Variants in DCX observed in about 807,000 individuals in gnomAD.
The protein encoded by DCX is doublecortin, also known as neuronal migration protein doublecortin.
In DCX, 4 loss-of-function variants were observed where a neutral mutation model predicts 20.9. The observed-to-expected ratio is 0.19, with a 90% CI of 0.09 to 0.44. The LOEUF is 0.44. Among genes scored for constraint, DCX ranks in the 20% least tolerant of loss-of-function variants. The pLI is 0.99. For missense variants in DCX, 133 were observed against 296.9 expected, an observed-to-expected ratio of 0.45 and a Z score of 4.06; for synonymous variants, 103 against 111.4, an observed-to-expected ratio of 0.92 and a Z score of 0.47.
intron 3 of DCX, among the ~76,000 whole-genome samples, chrX:111,400,246 T>C (rs900041778): frequency 9.0e-6 from 1 of 111,665 alleles, no homozygotes; most frequent in Non-Finnish European, 1.9e-5. Flanking sequence ...GAATGGTGCA[T>C]CTGTCTGATG....
intron 3 of DCX, among the ~76,000 whole-genome samples, chrX:111,336,773 TTTGTC>T (rs1010392955): frequency 1.8e-5 from 2 of 112,124 alleles, no homozygotes; most frequent in African/African-American, 3.2e-5. Flanking sequence ...AAAATCTATA[TTTGTC>T]CTAATCAATG....
intron 1 of DCX, chrX:111,411,285 C>T (rs1235043454): frequency 3.7e-6 from 1 of 269,950 alleles, no homozygotes; most frequent in Non-Finnish European, 6.5e-6. Context: ...AGCAACACCT[C>T]TTAATGGAAT....
rs183055031 is a variant in DCX, at chrX:111,404,164, C to T, written c.365-2834G>A. ...TGTTATTATTAAGCCCCTAATCTTA[C>T]GGAATAGAAGCGAGAACAAGAAGGA... On this transcript the variant is annotated intron_variant, in intron 2 of 6. Coordinates refer to ENST00000636035, the MANE Select transcript of DCX (RefSeq NM_001195553.2). 1.3e-3 allele frequency among the ~76,000 whole-genome samples: 144 copies of T among 109,837 alleles called. 1 individual carries two copies. Among genetic ancestry groups the T allele is most frequent in the African/African-American group, 4.5e-3 (135 of 30,216 alleles).
chrX:111,408,632 G>GAGAAGGAA (rs1305804444), intron 2 of DCX, among the ~76,000 whole-genome samples: 14 of 77,999 alleles, frequency 1.8e-4, no homozygotes, highest in African/African-American at 5.8e-4. Flanking sequence ...AGAAAGAAAA[G>GAGAAGGAA]AGAAAGAAAG....
At chrX:111,379,000 C>A (rs766578495) in intron 3 of DCX, among the ~76,000 whole-genome samples, 1 of 111,536 alleles carries the variant, frequency 9.0e-6, no homozygotes, top group Non-Finnish European at 1.9e-5. Flanking sequence ...ACCAGATAAG[C>A]AAACCTGCCA....
chrX:111,381,974 T>C lies in DCX; in HGVS notation c.705+19016A>G, dbSNP rs780399759. ...CCACTGCACCATCCCTGTACCTTAT[T>C]TTGAATATTATTTATAGCAGTCGTT... On this transcript the variant is annotated intron_variant, in intron 3 of 6. Coordinates refer to ENST00000636035, the MANE Select transcript of DCX (RefSeq NM_001195553.2). Among the ~76,000 whole-genome samples, 42 of 112,051 alleles carry C rather than the reference T, an allele frequency of 3.7e-4. No homozygotes were observed. In the Admixed American group the frequency reaches 4.0e-3, roughly 11 times the overall value.
At chrX:111,342,350 T>TATAA (rs1922340020) in intron 3 of DCX, among the ~76,000 whole-genome samples, 1 of 50,391 alleles carries the variant, frequency 2.0e-5, no homozygotes, top group Non-Finnish European at 3.3e-5. Flanking sequence ...TATATATATA[T>TATAA]ATATATATAT....
Position 111,328,248 on chromosome X carries a change from G to T in DCX, c.946+2656C>A, listed in dbSNP as rs185186194. Among the ~76,000 whole-genome samples, 216 of 111,230 alleles carry T rather than the reference G, an allele frequency of 1.9e-3. 1 individual carries two copies. The highest frequency in any genetic ancestry group is 6.7e-3 in the African/African-American group (206 of 30,677). On this transcript the variant is annotated intron_variant, in intron 5 of 6. Transcript: ENST00000636035. ...AAGGAGTTATGAAAAAGCAAGAGCA[G>T]ATCTTGCCTGCCAAAGCCTGGGTTG...
At chrX:111,363,716 T>C (rs1291020486) in intron 3 of DCX, among the ~76,000 whole-genome samples, 3 of 111,514 alleles carry the variant, frequency 2.7e-5, no homozygotes, top group Non-Finnish European at 5.6e-5. Context: ...TATTATACAT[T>C]TTCCTTGTCA....
intron 5 of DCX, among the ~76,000 whole-genome samples, chrX:111,314,745 T>C (rs951280678): frequency 9.0e-6 from 1 of 111,709 alleles, no homozygotes; most frequent in Non-Finnish European, 1.9e-5. Context: ...GAATCAGAGA[T>C]AGAATCATTC....
At chrX:111,312,314 G>T (rs987597521) in intron 6 of DCX, among the ~76,000 whole-genome samples, 2 of 111,962 alleles carry the variant, frequency 1.8e-5, no homozygotes, top group Non-Finnish European at 3.8e-5. Flanking sequence ...CACCCCCTTT[G>T]CTATGTCTCT....
chrX:111,383,210 A>G (rs1376017390), intron 3 of DCX, among the ~76,000 whole-genome samples: 1 of 111,425 alleles, frequency 9.0e-6, no homozygotes, highest in African/African-American at 3.3e-5. Context: ...TTATGCCCCA[A>G]ACAGATGATG....
At chrX:111,391,022 T>G (rs1334199545) in intron 3 of DCX, among the ~76,000 whole-genome samples, 2 of 93,731 alleles carry the variant, frequency 2.1e-5, no homozygotes, top group African/African-American at 7.6e-5. Flanking sequence ...AAAAAAAAAA[T>G]CCTTCACTGG....
At chrX:111,365,497 T>C (rs1487657297) in intron 3 of DCX, among the ~76,000 whole-genome samples, 1 of 110,270 alleles carries the variant, frequency 9.1e-6, no homozygotes, top group Non-Finnish European at 1.9e-5. Flanking sequence ...AAGAATCCAA[T>C]TGCACTCTTT....
chrX:111,373,708 T>G (rs1031526401), intron 3 of DCX, among the ~76,000 whole-genome samples: 1 of 111,324 alleles, frequency 9.0e-6, no homozygotes, highest in African/African-American at 3.3e-5. Context: ...AAATATTTGT[T>G]GTCAATAATA....
rs1266498789 is a variant in DCX, at chrX:111,300,618, T to G, written c.*1069A>C. On this transcript the variant is annotated 3_prime_UTR_variant, in exon 7 of 7. Transcript: ENST00000636035. ...TTCTAAACTACATTATTCTTCTGCTTTTTTTTTTTTTTTTGGTAAATTTTC... is the reference window on the plus strand; with the variant it reads ...TTCTAAACTACATTATTCTTCTGCTGTTTTTTTTTTTTTTGGTAAATTTTC... The G allele has an allele frequency of 1.0e-5, 1 of 98,915 alleles. No homozygotes were observed. Among genetic ancestry groups the G allele is most frequent in the East Asian group, 2.9e-4 (1 of 3,432 alleles). 8.2% of individuals were successfully genotyped at this position (98,915 alleles called of 1,213,427 possible).
At position 111,298,892 on chromosome X, in the gene DCX, C is replaced by CCTATTT. The variant is rs1410140998; in HGVS notation, c.*2789_*2794dup. On this transcript the variant is annotated 3_prime_UTR_variant, in exon 7 of 7. Transcript: ENST00000636035. ...TATATACATTTTCCCCTTCTTTGTC[C>CCTATTT]CTATTTCTATTTCTGTAGGGAAGAA... is the stretch of plus-strand genomic sequence containing the variant. The CCTATTT allele has an allele frequency of 9.0e-6, 1 of 110,731 alleles. No homozygotes were observed. Among genetic ancestry groups the CCTATTT allele is most frequent in the African/African-American group, 3.3e-5 (1 of 30,144 alleles). 9.1% of individuals were successfully genotyped at this position (110,731 alleles called of 1,213,427 possible).
intron 3 of DCX, among the ~76,000 whole-genome samples, chrX:111,397,010 T>C (rs1165887589): frequency 9.0e-6 from 1 of 111,154 alleles, no homozygotes; most frequent in Non-Finnish European, 1.9e-5. Context: ...ACATAAGCCC[T>C]AGAAAGATCA....
At chrX:111,342,146 C>T (rs1442145590) in intron 3 of DCX, among the ~76,000 whole-genome samples, 2 of 90,526 alleles carry the variant, frequency 2.2e-5, no homozygotes, top group African/African-American at 8.1e-5. Context: ...CGTGCAAAGA[C>T]ACACACCAGC....
Sources: gnomAD v4.1 joint callset for allele counts (sites outside exome capture counted in the v4.1 genomes callset) on GRCh38, gnomAD v4.1.1 for gene constraint, MANE v1.5 for transcripts, NCBI Gene and HGNC (gene_info 2026-07-23, HGNC 2026-07-21) for gene names.